GPR137B: variants seen among roughly 807,000 people sequenced by gnomAD.
GPR137B encodes G protein-coupled receptor 137B.
Under a neutral mutation model 42.5 loss-of-function variants are expected in GPR137B, and 42 were observed. The observed-to-expected ratio is 0.99, with a 90% CI of 0.77 to 1.28. The LOEUF is 1.28. Among genes scored for constraint, GPR137B ranks in the 50% most tolerant of loss-of-function variants. GPR137B has a pLI of 0.00. For missense variants in GPR137B, 487 were observed against 493.9 expected (o/e 0.99, Z 0.13); for synonymous variants, 218 against 209.7 (o/e 1.04, Z -0.34).
chr1:236,170,162 G>T (rs1050079471), intron 2 of GPR137B, among the ~76,000 whole-genome samples: 2 of 152,042 alleles, frequency 1.3e-5, no homozygotes, highest in Non-Finnish European at 2.9e-5. Context: ...GTTTCTGCCC[G>T]GGAGAACTCC....
intron 6 of GPR137B, among the ~76,000 whole-genome samples, chr1:236,205,476 C>T (rs1217481660): frequency 1.3e-5 from 2 of 152,052 alleles, no homozygotes; most frequent in African/African-American, 4.8e-5. Context: ...GTAGTGTTTC[C>T]TAAACAATAT....
intron 1 of GPR137B, 73 bp downstream of exon 1, chr1:236,143,109 G>C: frequency 7.5e-7 from 1 of 1,341,016 alleles, no homozygotes; most frequent in Non-Finnish European, 1.0e-6. Flanking sequence ...AGGCAGGGGC[G>C]ATGGCAGCCG....
intron 6 of GPR137B, chr1:236,207,426 CT>C: frequency 3.8e-6 from 1 of 265,144 alleles, no homozygotes; most frequent in Non-Finnish European, 5.8e-6. Context: ...TTGCTTTCCC[CT>C]TTAAACCCAT....
In GPR137B at chr1:236,163,930, ACATCTCCTCC is replaced by A. The variant is rs374442549; in HGVS notation, c.415-4763_415-4754del. ...CCTCCCATACCTCGACACACTTTTC[ACATCTCCTCC>A]CATCTCCTCCCACCTCCCACACCTC... On this transcript the variant is annotated intron_variant, in intron 1 of 6. Coordinates refer to ENST00000366592, the MANE Select transcript of GPR137B (RefSeq NM_003272.4). Among the ~76,000 whole-genome samples the A allele has an allele frequency of 3.4e-3, 500 of 149,062 alleles. 2 individuals are homozygous for A. The highest frequency in any genetic ancestry group is 0.012 in the African/African-American group (476 of 40,244).
chr1:236,196,126 G>T (rs1391813207), intron 5 of GPR137B, among the ~76,000 whole-genome samples: 1 of 152,018 alleles, frequency 6.6e-6, no homozygotes, highest in Non-Finnish European at 1.5e-5. Flanking sequence ...TATTGCTCAT[G>T]AATTCATTTA....
intron 3 of GPR137B, 125 bp from the exon 4 acceptor site, chr1:236,179,754 C>T (rs1662810776): frequency 4.7e-6 from 3 of 637,618 alleles, no homozygotes; most frequent in Non-Finnish European, 8.1e-6. Context: ...GATGGAAGAC[C>T]CAACAAGATC....
chr1:236,177,766 G>C (rs1160161115), intron 2 of GPR137B, among the ~76,000 whole-genome samples: 2 of 151,964 alleles, frequency 1.3e-5, no homozygotes, highest in Admixed American at 1.3e-4. Flanking sequence ...ATGTTGGCCA[G>C]GCTGGTCTTG....
At position 236,155,752 on chromosome 1, in the gene GPR137B, G is replaced by A. The variant is rs969351301; in HGVS notation, c.414+12716G>A. ...TGCTTGCTGCCCGGAGAGCTGAGCT[G>A]CTGGGAACAGGAAGGAGAAGAGGAG... On this transcript the variant is annotated intron_variant, in intron 1 of 6. Transcript: ENST00000366592. This position sits in a 1 kb window ranked among gnomAD's most constrained non-coding sequence, Gnocchi z 4.6. Among the ~76,000 whole-genome samples the A allele has an allele frequency of 1.3e-5, 2 of 152,176 alleles. No homozygotes were observed. Among genetic ancestry groups the A allele is most frequent in the African/African-American group, 4.8e-5 (2 of 41,436 alleles).
At chr1:236,177,022 G>A (rs1430366339) in intron 2 of GPR137B, among the ~76,000 whole-genome samples, 1 of 152,126 alleles carries the variant, frequency 6.6e-6, no homozygotes, top group Non-Finnish European at 1.5e-5. Flanking sequence ...GAGGGTCAGG[G>A]GTGTGTTTGC....
intron 1 of GPR137B, among the ~76,000 whole-genome samples, chr1:236,167,435 A>G (rs1475700042): frequency 6.6e-6 from 1 of 152,142 alleles, no homozygotes; most frequent in African/African-American, 2.4e-5. Context: ...GATCCCGCTT[A>G]TATGTGGAAT....
intron 1 of GPR137B, among the ~76,000 whole-genome samples, chr1:236,154,593 C>T (rs1661962475): frequency 6.6e-6 from 1 of 151,810 alleles, no homozygotes; most frequent in African/African-American, 2.4e-5. Context: ...GATGGTCATT[C>T]TCTCGGTGGC....
intron 2 of GPR137B, among the ~76,000 whole-genome samples, chr1:236,174,988 A>T (rs1662644509): frequency 6.6e-6 from 1 of 152,198 alleles, no homozygotes. Context: ...GAACTCAGTC[A>T]TACAAAAGTC....
intron 1 of GPR137B, among the ~76,000 whole-genome samples, chr1:236,146,147 C>G (rs901214792): frequency 1.3e-5 from 2 of 152,134 alleles, no homozygotes; most frequent in African/African-American, 2.4e-5. Context: ...TGTGAGCCAC[C>G]GCGCCTGGCC....
At chr1:236,200,118 A>G (rs892336208) in intron 5 of GPR137B, among the ~76,000 whole-genome samples, 3 of 152,040 alleles carry the variant, frequency 2.0e-5, no homozygotes, top group African/African-American at 4.8e-5. Context: ...CCCAAAGATC[A>G]TTCAGGAGCA....
intron 1 of GPR137B, among the ~76,000 whole-genome samples, chr1:236,146,148 G>A (rs1184172933): frequency 6.6e-6 from 1 of 152,114 alleles, no homozygotes; most frequent in African/African-American, 2.4e-5. Context: ...GTGAGCCACC[G>A]CGCCTGGCCA....
intron 6 of GPR137B, among the ~76,000 whole-genome samples, chr1:236,205,583 G>A (rs1046584099): frequency 1.3e-5 from 2 of 152,120 alleles, no homozygotes; most frequent in Admixed American, 6.5e-5. Flanking sequence ...TCTGTTGCCC[G>A]GCTGGAGTGC....
chr1:236,157,285 C>A (rs957286862), intron 1 of GPR137B, among the ~76,000 whole-genome samples: 9 of 149,976 alleles, frequency 6.0e-5, no homozygotes, highest in African/African-American at 2.0e-4. Context: ...AGTGCAGTGG[C>A]GCGATCTCTG....
chr1:236,194,436 A>G (rs1342230509), intron 5 of GPR137B, among the ~76,000 whole-genome samples: 2 of 152,182 alleles, frequency 1.3e-5, no homozygotes, highest in African/African-American at 2.4e-5. Flanking sequence ...TTTTAAGGCA[A>G]TCCACCTTGT....
intron 1 of GPR137B, among the ~76,000 whole-genome samples, chr1:236,145,261 C>T (rs1661651158): frequency 6.6e-6 from 1 of 152,176 alleles, no homozygotes; most frequent in Non-Finnish European, 1.5e-5. Flanking sequence ...CTCTCCCGCT[C>T]ACCCCCTCTT....
Sources: gnomAD v4.1 joint callset for allele counts (sites outside exome capture counted in the v4.1 genomes callset) on GRCh38, gnomAD v4.1.1 for gene constraint, Gnocchi (gnomAD v3.1) non-coding constraint, MANE v1.5 for transcripts, NCBI Gene and HGNC (gene_info 2026-07-23, HGNC 2026-07-21) for gene names.